Variants in SLC71A1 observed in about 807,000 individuals in gnomAD.
The protein encoded by SLC71A1 is solute carrier family 71 member 1, also known as hippocampus abundant gene transcript 1.
At chr1:100,081,724 CA>C in the SLC71A1 span, among the ~76,000 whole-genome samples, 3 of 152,130 alleles carry the variant, frequency 2.0e-5, no homozygotes, top group Non-Finnish European at 4.4e-5. Flanking sequence ...CTTGGACTAA[CA>C]AATTAATCAT....
chr1:100,040,921 A>G, the SLC71A1 span, among the ~76,000 whole-genome samples: 1 of 152,130 alleles, frequency 6.6e-6, no homozygotes, highest in Non-Finnish European at 1.5e-5. Context: ...ATTCAGTGAG[A>G]TGTCTGAGGC....
the SLC71A1 span, among the ~76,000 whole-genome samples, chr1:100,063,372 C>T: frequency 6.6e-6 from 1 of 152,106 alleles, no homozygotes; most frequent in African/African-American, 2.4e-5. Context: ...GGCACAGTGG[C>T]ATGTGCCTGT....
the SLC71A1 span, among the ~76,000 whole-genome samples, chr1:100,074,733 A>T: frequency 8.0e-5 from 12 of 149,848 alleles, no homozygotes; most frequent in Admixed American, 6.7e-4. Context: ...AAAAATTAGC[A>T]GGCATGGTGG....
At chr1:100,051,661 C>T in the SLC71A1 span, among the ~76,000 whole-genome samples, 196 of 152,210 alleles carry the variant, frequency 1.3e-3, no homozygotes, top group African/African-American at 4.4e-3. Flanking sequence ...ACTTTTTGGG[C>T]TCATGACTTT....
At chr1:100,074,289 T>A in the SLC71A1 span, among the ~76,000 whole-genome samples, 1 of 152,184 alleles carries the variant, frequency 6.6e-6, no homozygotes, top group Admixed American at 6.5e-5. Context: ...GAAAATATAT[T>A]CTTGGCCGGG....
chr1:100,051,289 G>A, the SLC71A1 span, among the ~76,000 whole-genome samples: 1 of 152,034 alleles, frequency 6.6e-6, no homozygotes, highest in Non-Finnish European at 1.5e-5. Flanking sequence ...TACTTGGGAG[G>A]CTGAGGCAGG....
At chr1:100,040,697 T>G in the SLC71A1 span, among the ~76,000 whole-genome samples, 4 of 152,322 alleles carry the variant, frequency 2.6e-5, no homozygotes, top group African/African-American at 9.6e-5. Flanking sequence ...CCTGACCTCA[T>G]GATTCACCCA....
chr1:100,067,000 A>AAG, the SLC71A1 span, among the ~76,000 whole-genome samples: 1 of 151,044 alleles, frequency 6.6e-6, no homozygotes, highest in Non-Finnish European at 1.5e-5. Flanking sequence ...AAAAAAAAAA[A>AAG]AAAAAAAAAA....
chr1:100,063,818 G>A, the SLC71A1 span, among the ~76,000 whole-genome samples: 2 of 152,268 alleles, frequency 1.3e-5, no homozygotes, highest in South Asian at 2.1e-4. Context: ...TGGGGGGTGC[G>A]GGGTGACCCC....
chr1:100,071,572 G>A, the SLC71A1 span, among the ~76,000 whole-genome samples: 6 of 152,208 alleles, frequency 3.9e-5, no homozygotes, highest in East Asian at 7.7e-4. Context: ...ACCTGGGCAT[G>A]AGTATCTTTT....
the SLC71A1 span, chr1:100,058,579 T>C: frequency 2.7e-6 from 2 of 733,482 alleles, no homozygotes; most frequent in Non-Finnish European, 4.9e-6. Flanking sequence ...GATTGTAGTA[T>C]GAATGGATGT....
the SLC71A1 span, among the ~76,000 whole-genome samples, chr1:100,048,080 A>G: frequency 1.3e-5 from 2 of 152,176 alleles, no homozygotes; most frequent in Non-Finnish European, 2.9e-5. Context: ...AAAAATTAGC[A>G]TGCTTTAAGC....
chr1:100,048,548 T>C, the SLC71A1 span, among the ~76,000 whole-genome samples: 4 of 152,210 alleles, frequency 2.6e-5, no homozygotes. Flanking sequence ...CACCTCCTCC[T>C]TCCTGAAACT....
the SLC71A1 span, chr1:100,083,315 TAAAA>T: frequency 1.3e-5 from 2 of 152,572 alleles, no homozygotes; most frequent in African/African-American, 4.8e-5. Flanking sequence ...AATAAGGTCT[TAAAA>T]GAAATGTAAA....
chr1:100,066,454 T>TG, the SLC71A1 span, among the ~76,000 whole-genome samples: 4 of 152,254 alleles, frequency 2.6e-5, no homozygotes, highest in East Asian at 7.7e-4. Context: ...GTCCACAGGC[T>TG]GCACACATGG....
the SLC71A1 span, chr1:100,057,880 A>G: frequency 6.6e-6 from 1 of 152,210 alleles, no homozygotes. Context: ...GAGCGATAGC[A>G]TTGGATAATA....
At chr1:100,040,507 G>T in the SLC71A1 span, among the ~76,000 whole-genome samples, 79 of 152,154 alleles carry the variant, frequency 5.2e-4, no homozygotes, top group Non-Finnish European at 9.1e-4. Context: ...GCCCAGGCTG[G>T]AGGAGTGCAG....
the SLC71A1 span, among the ~76,000 whole-genome samples, chr1:100,046,759 C>T: frequency 2.0e-5 from 3 of 152,124 alleles, no homozygotes; most frequent in Admixed American, 6.5e-5. Context: ...CTCTTCAATT[C>T]GTGTCATCAA....
At chr1:100,068,907 C>T in the SLC71A1 span, among the ~76,000 whole-genome samples, 3 of 152,122 alleles carry the variant, frequency 2.0e-5, no homozygotes, top group Non-Finnish European at 4.4e-5. Flanking sequence ...CACTTGAACC[C>T]AGGAGGCGGA....
Sources: allele counts gnomAD v4.1 joint callset (sites outside exome capture counted in the v4.1 genomes callset), GRCh38; gene constraint gnomAD v4.1.1; transcripts MANE v1.5; gene names NCBI Gene and HGNC (gene_info 2026-07-23, HGNC 2026-07-21).